Variants in NCOA7 observed in about 807,000 individuals in gnomAD.
The protein encoded by NCOA7 is nuclear receptor coactivator 7.
In NCOA7, 45 loss-of-function variants were observed where a neutral mutation model predicts 104.3. The observed-to-expected ratio is 0.43, with a 90% CI of 0.34 to 0.55. The LOEUF (loss-of-function observed/expected upper bound fraction) is 0.55, where lower values mean the gene tolerates loss of function less well. Ranked by LOEUF, NCOA7 falls within the 20% of genes least tolerant of loss-of-function variation. The probability of loss-of-function intolerance (pLI) is 0.02; values close to 1 mark genes in which losing one functional copy is unlikely to be tolerated. For missense variants in NCOA7, 1,041 were observed against 1,119.7 expected (o/e 0.93, Z 1.00); for synonymous variants, 398 against 402.3 (o/e 0.99, Z 0.13).
At chr6:125,866,558 A>G (rs956759844) in intron 3 of NCOA7, among the ~76,000 whole-genome samples, 1 of 152,168 alleles carries the variant, frequency 6.6e-6, no homozygotes, top group East Asian at 1.9e-4. Context: ...TTGGGAATCC[A>G]GCAGTATCTC....
chr6:125,890,942 A>G, intron 10 of NCOA7, 132 bp downstream of exon 10: 2 of 929,078 alleles, frequency 2.2e-6, no homozygotes, highest in Non-Finnish European at 3.0e-6. Context: ...TTAGAATTCT[A>G]GAAGGATATT....
intron 1 of NCOA7, among the ~76,000 whole-genome samples, chr6:125,805,114 T>C (rs77681426): frequency 2.1e-5 from 3 of 146,018 alleles, no homozygotes; most frequent in Non-Finnish European, 4.5e-5. Flanking sequence ...TTTTTTTTTT[T>C]TGACAGAGTC....
chr6:125,813,779 T>C (rs1025863888), intron 1 of NCOA7, among the ~76,000 whole-genome samples: 8 of 152,116 alleles, frequency 5.3e-5, no homozygotes, highest in Non-Finnish European at 1.0e-4. Flanking sequence ...ACAACCTTAG[T>C]GTGTGCTCAG....
At position 125,890,675 on chromosome 6, in the gene NCOA7, C is replaced by A. The variant is rs145818990; in HGVS notation, c.1961C>A (p.Thr654Asn). Residue 654 changes from threonine (T) to asparagine (N), a missense_variant, in exon 10 of 16, where the codon ACC becomes AAC. This residue lies in a region of NCOA7 where 914 missense variants were observed against 942.7 expected (regional missense o/e 0.97). Transcript: ENST00000392477. ...CCTTCAAAAGAAGAAAAAAGCAAGA[C>A]CCCACCCATGTTCCTGTGCATCAAA... ...ILPSKEEKSK[T>N]PPMFLCIKVG... 6.2e-7 allele frequency: 1 copy of A among 1,613,188 alleles called. No individual in the cohort carries two copies. Among genetic ancestry groups the A allele is most frequent in the Non-Finnish European group, 8.5e-7 (1 of 1,179,588 alleles).
At chr6:125,814,434 G>T (rs143687612) in intron 1 of NCOA7, among the ~76,000 whole-genome samples, 1 of 152,320 alleles carries the variant, frequency 6.6e-6, no homozygotes, top group Non-Finnish European at 1.5e-5. Context: ...GGGATTACAG[G>T]TGTGAGCCAC....
chr6:125,829,759 A>AC (rs1778998038), intron 2 of NCOA7, among the ~76,000 whole-genome samples: 1 of 134,734 alleles, frequency 7.4e-6, no homozygotes, highest in Admixed American at 7.5e-5. Context: ...CTCTAAGAGT[A>AC]TAGAAGCACC....
At chr6:125,838,902 A>AG in intron 2 of NCOA7, among the ~76,000 whole-genome samples, 1 of 151,694 alleles carries the variant, frequency 6.6e-6, no homozygotes, top group Non-Finnish European at 1.5e-5. Flanking sequence ...AGAGAGGCAG[A>AG]GGGCAAGGTA....
At chr6:125,854,867 A>C (rs1781417333) in intron 2 of NCOA7, among the ~76,000 whole-genome samples, 153 bp from the exon 3 acceptor site, 1 of 152,232 alleles carries the variant, frequency 6.6e-6, no homozygotes, top group South Asian at 2.1e-4. Flanking sequence ...TTGGAAAAGA[A>C]AAAAGAACAA....
chr6:125,786,679 T>C (rs1450719449), upstream of NCOA7, among the ~76,000 whole-genome samples: 1 of 151,196 alleles, frequency 6.6e-6, no homozygotes, highest in Non-Finnish European at 1.5e-5. Context: ...CGGGTTCAAG[T>C]GATTCTCCTG....
upstream of NCOA7, among the ~76,000 whole-genome samples, chr6:125,786,376 T>A (rs1406041396): frequency 6.6e-6 from 1 of 152,188 alleles, no homozygotes; most frequent in African/African-American, 2.4e-5. Flanking sequence ...TTCAATATTT[T>A]CAATAGCTCC....
At chr6:125,871,163 G>A (rs1453490364) in intron 3 of NCOA7, among the ~76,000 whole-genome samples, 1 of 152,214 alleles carries the variant, frequency 6.6e-6, no homozygotes, top group Non-Finnish European at 1.5e-5. Context: ...GGGAGGGTGA[G>A]AATTTGGGTA....
At chr6:125,899,024 A>G (rs1215644285) in intron 10 of NCOA7, among the ~76,000 whole-genome samples, 1 of 152,192 alleles carries the variant, frequency 6.6e-6, no homozygotes, top group Non-Finnish European at 1.5e-5. Context: ...GATCATACAT[A>G]TATAGTATAT....
At chr6:125,822,641 A>G (rs189022793) in intron 2 of NCOA7, among the ~76,000 whole-genome samples, 4 of 152,284 alleles carry the variant, frequency 2.6e-5, no homozygotes, top group African/African-American at 9.6e-5. Flanking sequence ...GGGGATTAGA[A>G]CATGTTGTTA....
chr6:125,826,596 A>G (rs184410602), intron 2 of NCOA7, among the ~76,000 whole-genome samples: 19 of 152,218 alleles, frequency 1.2e-4, no homozygotes, highest in Admixed American at 1.2e-3. Context: ...TATGTTATGA[A>G]GAGAAACATA....
At chr6:125,793,492 T>C (rs556681620) in intron 1 of NCOA7, among the ~76,000 whole-genome samples, 143 of 152,302 alleles carry the variant, frequency 9.4e-4, no homozygotes, top group Admixed American at 1.9e-3. Flanking sequence ...CTTCTGTGTG[T>C]CCTACAACCA....
At chr6:125,855,365 T>C (rs557832119) in intron 3 of NCOA7, 125 bp downstream of exon 3, 1 of 700,942 alleles carries the variant, frequency 1.4e-6, no homozygotes, top group South Asian at 1.9e-5. Flanking sequence ...TATGTGCCCC[T>C]GGCCCTTGCT....
chr6:125,902,060 G>C lies in NCOA7; in HGVS notation c.2096+11250G>C, dbSNP rs578244814. On this transcript the variant is annotated intron_variant, in intron 10 of 15. Coordinates refer to ENST00000392477, the MANE Select transcript of NCOA7 (RefSeq NM_181782.5). ...CTGCTTCTCTGCCAGTGGAGCTTGT[G>C]GTTTTTATGGGTGCAGGGTAGGGGG... 2.0e-5 allele frequency among the ~76,000 whole-genome samples: 3 copies of C among 152,164 alleles called. No individual in the cohort carries two copies. In the South Asian group the frequency reaches 6.2e-4, roughly 32 times the overall value.
chr6:125,859,058 TCAA>T (rs1781832776), intron 3 of NCOA7, among the ~76,000 whole-genome samples: 1 of 152,146 alleles, frequency 6.6e-6, no homozygotes, highest in African/African-American at 2.4e-5. Context: ...GAGGAGAATG[TCAA>T]GGGAAAAGGA....
At chr6:125,901,559 G>T (rs1294068143) in intron 10 of NCOA7, among the ~76,000 whole-genome samples, 2 of 152,198 alleles carry the variant, frequency 1.3e-5, no homozygotes, top group Non-Finnish European at 2.9e-5. Flanking sequence ...GGTGCCTTTG[G>T]GCACCAGTGG....
Sources: allele counts gnomAD v4.1 joint callset (sites outside exome capture counted in the v4.1 genomes callset), GRCh38; gene constraint gnomAD v4.1.1; regional missense constraint gnomAD v4.1.1; transcripts MANE v1.5; gene names NCBI Gene and HGNC (gene_info 2026-07-23, HGNC 2026-07-21).